Variants in NTSR2 observed in about 807,000 individuals in gnomAD.
NTSR2 encodes the protein neurotensin receptor type 2.
Under a neutral mutation model 24.1 loss-of-function variants are expected in NTSR2, and 22 were observed. The ratio of observed to expected loss-of-function variants is 0.91; its 90% CI spans 0.65 to 1.30. The LOEUF is 1.30. Among genes scored for constraint, NTSR2 ranks in the 50% most tolerant of loss-of-function variants. The pLI is 0.00. For missense variants in NTSR2, 570 were observed against 570.4 expected (o/e 1.00, Z 0.01); for synonymous variants, 291 against 267.0 (o/e 1.09, Z -0.88).
At chr2:11,668,235 T>G (rs2148489633) in intron 1 of NTSR2, among the ~76,000 whole-genome samples, 1 of 152,336 alleles carries the variant, frequency 6.6e-6, no homozygotes, top group East Asian at 1.9e-4. Context: ...AGTGAACACC[T>G]TCCCTGAGGC....
Position 11,669,617 on chromosome 2 carries a change from G to T in NTSR2, c.513C>A (p.Ala171=). ...AASLGLALPM[A]VIMGQKHELE... ...GTTCGTGCTTCTGCCCCATGATGAC[G>T]GCCATGGGCAGGGCGAGGCCGAGCG... Residue 171 remains alanine (A), a synonymous_variant, in exon 1 of 4, where the codon GCC becomes GCA. Coordinates refer to ENST00000306928, the MANE Select transcript of NTSR2 (RefSeq NM_012344.4). The T allele has an allele frequency of 6.3e-7, 1 of 1,581,312 alleles. No individual in the cohort carries two copies. Among genetic ancestry groups the T allele is most frequent in the African/African-American group, 1.4e-5 (1 of 73,782 alleles).
intron 2 of NTSR2, 43 bp from the exon 3 acceptor site, chr2:11,660,176 A>G: frequency 1.4e-6 from 2 of 1,473,096 alleles, no homozygotes; most frequent in South Asian, 2.3e-5. Context: ...AGGAGAAAGC[A>G]AACACATTCT....
intron 2 of NTSR2, 112 bp downstream of exon 2, chr2:11,661,855 G>A: frequency 1.0e-6 from 1 of 987,986 alleles, no homozygotes; most frequent in South Asian, 1.8e-5. Context: ...ATAGGGTAAA[G>A]GAAGCCTTGA....
Position 11,658,362 on chromosome 2 carries a change from G to T in NTSR2, c.*117C>A. ...GATGGTTCTCAGCAGAGCAGGGGTTGATAGAAGTCGCCCTGGCTGCGAAGC... is the reference window on the plus strand; with the variant it reads ...GATGGTTCTCAGCAGAGCAGGGGTTTATAGAAGTCGCCCTGGCTGCGAAGC... On this transcript the variant is annotated 3_prime_UTR_variant, in exon 4 of 4. Transcript: ENST00000306928. The T allele has an allele frequency of 7.1e-7, 1 of 1,409,914 alleles. No individual in the cohort carries two copies. The highest frequency in any genetic ancestry group is 9.6e-7 in the Non-Finnish European group (1 of 1,044,122). The allele number at this position is 1,409,914 out of a possible 1,614,324, so 87.3% of individuals were successfully genotyped here.
At chr2:11,667,177 G>A (rs1047281456) in intron 1 of NTSR2, among the ~76,000 whole-genome samples, 18 of 152,294 alleles carry the variant, frequency 1.2e-4, no homozygotes, top group African/African-American at 4.3e-4. Context: ...ACTCTGACCT[G>A]AGATCTCTGC....
At chr2:11,659,616 T>C (rs1446723874) in intron 3 of NTSR2, among the ~76,000 whole-genome samples, 2 of 152,294 alleles carry the variant, frequency 1.3e-5, no homozygotes, top group East Asian at 3.9e-4. Flanking sequence ...TCTCCAACCA[T>C]GTCATAAAAG....
At position 11,670,047 on chromosome 2, in the gene NTSR2, C is replaced by T. The variant is rs1172261367; in HGVS notation, c.83G>A (p.Arg28His). 2 of 1,494,874 alleles carry T rather than the reference C, an allele frequency of 1.3e-6. No individual in the cohort carries two copies. Among genetic ancestry groups the T allele is most frequent in the Non-Finnish European group, 8.9e-7 (1 of 1,129,422 alleles). 92.6% of individuals were successfully genotyped at this position (1,494,874 alleles called of 1,614,324 possible). A position where few individuals can be genotyped will look rare whatever the true frequency, so the allele number is the denominator to read the frequency against. ...GGTGAACAGCACCTTGGCCCAGAGGCGAGTGTCCACGCCCAGCCGGGCGTC... is the reference window on the plus strand; with the variant it reads ...GGTGAACAGCACCTTGGCCCAGAGGTGAGTGTCCACGCCCAGCCGGGCGTC... The part of the protein sequence containing the change: ...SLDARLGVDT[R>H]LWAKVLFTAL... The change falls in exon 1 of 4, where the codon CGC (arginine) becomes CAC (histidine). Residue 28 changes from arginine (R) to histidine (H), a missense_variant. Coordinates refer to ENST00000306928, the MANE Select transcript of NTSR2 (RefSeq NM_012344.4).
rs770457799 is a variant in NTSR2, at chr2:11,669,999, G to A, written c.131C>T (p.Ala44Val). Residue 44 changes from alanine (A) to valine (V), a missense_variant, in exon 1 of 4, where the codon GCG (alanine) becomes GTG (valine). Physicochemically the swap from Ala to Val is moderately conservative, Grantham distance 64. Transcript: ENST00000306928. The part of the protein sequence containing the change: ...LFTALYALIW[A>V]LGAAGNALSA... Reference sequence around the variant, plus strand: ...CAGCGCATTGCCCGCCGCGCCCAGCGCCCAGATGAGTGCGTAGAGCGCGGT... The same window carrying A: ...CAGCGCATTGCCCGCCGCGCCCAGCACCCAGATGAGTGCGTAGAGCGCGGT... The A allele has an allele frequency of 4.0e-6, 6 of 1,516,056 alleles. No individual in the cohort carries two copies. Among genetic ancestry groups the A allele is most frequent in the Non-Finnish European group, 3.5e-6 (4 of 1,138,202 alleles). The allele number at this position is 1,516,056 out of a possible 1,614,324, so 93.9% of individuals were successfully genotyped here. A position where few individuals can be genotyped will look rare whatever the true frequency, so the allele number is the denominator to read the frequency against.
chr2:11,667,988 C>G (rs187401868), intron 1 of NTSR2, among the ~76,000 whole-genome samples: 59 of 152,318 alleles, frequency 3.9e-4, no homozygotes, highest in African/African-American at 1.4e-3. Context: ...GTTGCCAGGA[C>G]AGCCACTCCA....
intron 1 of NTSR2, 47 bp downstream of exon 1, chr2:11,669,459 C>CCGGCGGGGGGGGGG: frequency 3.0e-6 from 1 of 337,896 alleles, no homozygotes; most frequent in Non-Finnish European, 5.3e-6. Flanking sequence ...CTCCCAGCAC[C>CCGGCGGGGGGGGGG]GCCCCCCCAC....
chr2:11,658,951 T>C (rs964071313), intron 3 of NTSR2, among the ~76,000 whole-genome samples: 1 of 152,088 alleles, frequency 6.6e-6, no homozygotes, highest in African/African-American at 2.4e-5. Context: ...CCTTCTGAGC[T>C]CAAGCAATTC....
chr2:11,661,455 G>T (rs1050342357), intron 2 of NTSR2, among the ~76,000 whole-genome samples: 5 of 152,166 alleles, frequency 3.3e-5, no homozygotes, highest in Non-Finnish European at 5.9e-5. Flanking sequence ...CCTAGCTAGT[G>T]CCTGGGTTAT....
intron 1 of NTSR2, 46 bp downstream of exon 1, chr2:11,669,460 G>GGGCCGGGGGGCCCCCCCCCCCCCCCCC: frequency 3.9e-6 from 1 of 254,726 alleles, no homozygotes; most frequent in Non-Finnish European, 6.9e-6. Context: ...TCCCAGCACC[G>GGGCCGGGGGGCCCCCCCCCCCCCCCCC]CCCCCCCACC....
intron 1 of NTSR2, 33 bp from the exon 2 acceptor site, chr2:11,662,273 C>CGCCA: frequency 6.9e-7 from 1 of 1,454,670 alleles, no homozygotes; most frequent in South Asian, 1.6e-5. Flanking sequence ...TATGGGGCAG[C>CGCCA]GCCAGGGCCC....
At chr2:11,669,459 C>CGGGGGGGGGGGGGGGGGGGCGG in intron 1 of NTSR2, 47 bp downstream of exon 1, 1 of 337,896 alleles carries the variant, frequency 3.0e-6, no homozygotes, top group Non-Finnish European at 5.3e-6. Flanking sequence ...CTCCCAGCAC[C>CGGGGGGGGGGGGGGGGGGGCGG]GCCCCCCCAC....
intron 3 of NTSR2, 52 bp downstream of exon 3, chr2:11,659,991 T>C: frequency 1.3e-6 from 2 of 1,507,222 alleles, no homozygotes; most frequent in Non-Finnish European, 1.8e-6. Context: ...ACCCCAGGCC[T>C]AGCCCAGTTG....
intron 1 of NTSR2, among the ~76,000 whole-genome samples, chr2:11,662,620 A>C (rs1220986535): frequency 6.6e-6 from 1 of 152,162 alleles, no homozygotes; most frequent in African/African-American, 2.4e-5. Context: ...TCTCTACTAA[A>C]AATACAAAAA....
rs574844067 is a variant in NTSR2, at chr2:11,662,009, C to T, written c.856G>A (p.Val286Met). 12 of 1,611,742 alleles carry T rather than the reference C, an allele frequency of 7.4e-6. No individual in the cohort carries two copies. Among genetic ancestry groups the T allele is most frequent in the African/African-American group, 4.0e-5 (3 of 74,980 alleles). The change falls in exon 2 of 4, where the codon GTG (valine) becomes ATG (methionine). Residue 286 changes from valine (V) to methionine (M), a missense_variant. By Grantham distance (21) the Val-to-Met change is conservative. Transcript: ENST00000306928. ...CGCTGGAGGCTGCGGATCCGGCGCA[C>T]GTCTTTATGTCTCACCAGGCTGACC... ...GQVSLVRHKDVRRIRSLQRSV... is the reference protein window; with the variant it reads ...GQVSLVRHKDMRRIRSLQRSV...
At chr2:11,661,898 A>G (rs1661078657) in intron 2 of NTSR2, 69 bp downstream of exon 2, 1 of 1,421,266 alleles carries the variant, frequency 7.0e-7, no homozygotes, top group Non-Finnish European at 9.4e-7. Context: ...TCACCCGGCC[A>G]GGGATTGGTG....
Sources: gnomAD v4.1 joint callset for allele counts (sites outside exome capture counted in the v4.1 genomes callset) on GRCh38, gnomAD v4.1.1 for gene constraint, MANE v1.5 for transcripts, NCBI Gene and HGNC (gene_info 2026-07-23, HGNC 2026-07-21) for gene names.